Variants in STIM2 observed in about 807,000 individuals in gnomAD.
STIM2 encodes stromal interaction molecule 2.
In STIM2, 31 loss-of-function variants were observed where a neutral mutation model predicts 85.8. The ratio of observed to expected loss-of-function variants is 0.36; its 90% CI spans 0.27 to 0.49. The LOEUF (loss-of-function observed/expected upper bound fraction) is 0.49, where lower values mean the gene tolerates loss of function less well. Ranked by LOEUF, STIM2 falls within the 20% of genes least tolerant of loss-of-function variation. The probability of loss-of-function intolerance (pLI) is 0.98; values close to 1 mark genes in which losing one functional copy is unlikely to be tolerated. For synonymous variants in STIM2, 356 were observed against 331.1 expected (o/e 1.08, Z -0.82); for missense variants, 841 against 927.6 (o/e 0.91, Z 1.21).
chr4:26,875,649 C>T (rs6830323), intron 1 of STIM2, among the ~76,000 whole-genome samples: 131,681 of 152,136 alleles, frequency 0.87, 57,517 homozygotes, highest in Middle Eastern at 0.98. Context: ...GATTTCTAGA[C>T]AAATGGGAGC....
At chr4:26,911,431 C>T (rs1724335209) in intron 1 of STIM2, among the ~76,000 whole-genome samples, 1 of 152,054 alleles carries the variant, frequency 6.6e-6, no homozygotes, top group African/African-American at 2.4e-5. Flanking sequence ...TACAGAGATT[C>T]AGAGTTCTAA....
chr4:26,955,210 G>A lies in STIM2; in HGVS notation c.283-2402G>A, dbSNP rs1726202405. ...GGCATATATCCATAAGCTCATTCTG[G>A]CTTTTCTAAAATAGTTAAGTGGCTA... On this transcript the variant is annotated intron_variant, in intron 2 of 11. Transcript: ENST00000467087. 1.4e-5 allele frequency among the ~76,000 whole-genome samples: 2 copies of A among 147,028 alleles called. 1 individual carries two copies. The highest frequency in any genetic ancestry group is 1.3e-4 in the Admixed American group (2 of 15,000).
At chr4:26,959,426 A>AT (rs932793013) in intron 3 of STIM2, among the ~76,000 whole-genome samples, 52 of 149,288 alleles carry the variant, frequency 3.5e-4, no homozygotes, top group African/African-American at 8.1e-4. Flanking sequence ...CCTTTTACTC[A>AT]TTTTTTTTTC....
At chr4:26,922,309 T>C (rs1321966454) in intron 2 of STIM2, among the ~76,000 whole-genome samples, 1 of 152,156 alleles carries the variant, frequency 6.6e-6, no homozygotes, top group African/African-American at 2.4e-5. Flanking sequence ...AAATTATTAT[T>C]GTACATTTTC....
chr4:26,861,313 C>T lies in STIM2; in HGVS notation c.95C>T (p.Ala32Val), dbSNP rs746247493. The T allele has an allele frequency of 5.6e-6, 8 of 1,420,720 alleles. No homozygotes were observed. In the East Asian group the frequency reaches 2.2e-4, roughly 38 times the overall value. The allele number at this position is 1,420,720 out of a possible 1,614,324, so 88.0% of individuals were successfully genotyped here. A position where few individuals can be genotyped will look rare whatever the true frequency, so the allele number is the denominator to read the frequency against. Residue 32 changes from alanine to valine, a missense_variant, in exon 1 of 12, where the codon GCA becomes GTA. By Grantham distance (64) the Ala-to-Val change is moderately conservative (BLOSUM62 0). Around this residue, in one of 3 missense-constraint regions of STIM2, gnomAD observed 140 missense variants for 117.7 expected, o/e 1.19. Transcript: ENST00000467087. ...GGGCGGCGGGCGACTGGCTCTGCCG[C>T]AACTGCCGCCTCCTCTCCCGCCGCG... is the stretch of plus-strand genomic sequence containing the variant.
chr4:26,964,218 A>G (rs915671839), intron 3 of STIM2, among the ~76,000 whole-genome samples: 1 of 152,200 alleles, frequency 6.6e-6, no homozygotes, highest in African/African-American at 2.4e-5. Flanking sequence ...CTCATATTCC[A>G]GTGCTTACCA....
At chr4:26,929,759 G>A (rs1259389021) in intron 2 of STIM2, among the ~76,000 whole-genome samples, 1 of 151,948 alleles carries the variant, frequency 6.6e-6, no homozygotes, top group Non-Finnish European at 1.5e-5. Flanking sequence ...ATAGTTGCTT[G>A]GAATAGATTA....
intron 2 of STIM2, among the ~76,000 whole-genome samples, chr4:26,933,525 A>G (rs1725276964): frequency 6.6e-6 from 1 of 152,180 alleles, no homozygotes; most frequent in African/African-American, 2.4e-5. Context: ...CTATAGGTCA[A>G]AAGTGGCTCT....
intron 10 of STIM2, among the ~76,000 whole-genome samples, chr4:27,015,285 C>G: frequency 6.6e-6 from 1 of 151,964 alleles, no homozygotes; most frequent in East Asian, 1.9e-4. Flanking sequence ...CCACTGCTCT[C>G]GCATCTTAAA....
At chr4:26,890,447 T>C (rs1275109729) in intron 1 of STIM2, among the ~76,000 whole-genome samples, 3 of 152,136 alleles carry the variant, frequency 2.0e-5, no homozygotes, top group African/African-American at 7.2e-5. Flanking sequence ...CAGTTCATAA[T>C]GGGCAGCTCA....
At chr4:26,985,219 C>T (rs1041228584) in intron 3 of STIM2, among the ~76,000 whole-genome samples, 3 of 152,010 alleles carry the variant, frequency 2.0e-5, no homozygotes, top group Non-Finnish European at 1.5e-5. Flanking sequence ...GTGAAAGGCC[C>T]GAAACTTACT....
intron 1 of STIM2, among the ~76,000 whole-genome samples, chr4:26,910,397 G>C (rs998610623): frequency 6.6e-6 from 1 of 152,046 alleles, no homozygotes; most frequent in African/African-American, 2.4e-5. Context: ...GTTGGCGAGC[G>C]CCTGTAATTC....
chr4:26,980,821 C>G (rs1437805580), intron 3 of STIM2, among the ~76,000 whole-genome samples: 4 of 152,024 alleles, frequency 2.6e-5, no homozygotes, highest in Non-Finnish European at 5.9e-5. Flanking sequence ...TTTTATAGTG[C>G]TTTATTAATT....
chr4:26,985,491 A>C (rs1191925331), intron 3 of STIM2, among the ~76,000 whole-genome samples: 1 of 152,144 alleles, frequency 6.6e-6, no homozygotes, highest in African/African-American at 2.4e-5. Flanking sequence ...TAACACAAAT[A>C]TTTTTCAAAC....
chr4:26,965,259 G>A (rs1726668362), intron 3 of STIM2, among the ~76,000 whole-genome samples: 1 of 152,046 alleles, frequency 6.6e-6, no homozygotes, highest in Non-Finnish European at 1.5e-5. Flanking sequence ...AATAGTCCGG[G>A]TTTCTTCTGT....
intron 1 of STIM2, among the ~76,000 whole-genome samples, chr4:26,897,342 C>T (rs1007414325): frequency 4.9e-4 from 75 of 152,242 alleles, no homozygotes; most frequent in African/African-American, 1.7e-3. Flanking sequence ...GGTGCTATCT[C>T]CTTGGGGTCA....
intron 5 of STIM2, among the ~76,000 whole-genome samples, chr4:27,000,529 A>C (rs1460735316): frequency 6.6e-6 from 1 of 152,160 alleles, no homozygotes; most frequent in Non-Finnish European, 1.5e-5. Flanking sequence ...AAAGTATAGA[A>C]TTTGTTTCTA....
At chr4:26,946,834 C>T (rs79264546) in intron 2 of STIM2, among the ~76,000 whole-genome samples, 2,558 of 152,190 alleles carry the variant, frequency 0.017, 77 homozygotes, top group African/African-American at 0.059. Flanking sequence ...TGTGTTATTT[C>T]CCTGTGTCAA....
intron 3 of STIM2, among the ~76,000 whole-genome samples, chr4:26,969,770 G>A (rs1039483381): frequency 6.6e-6 from 1 of 152,142 alleles, no homozygotes; most frequent in Non-Finnish European, 1.5e-5. Flanking sequence ...ACTGTGTCTG[G>A]ATTCTGTGAG....
Sources: gnomAD v4.1 joint callset for allele counts (sites outside exome capture counted in the v4.1 genomes callset) on GRCh38, gnomAD v4.1.1 for gene constraint, gnomAD v4.1.1 regional missense constraint, MANE v1.5 for transcripts, NCBI Gene and HGNC (gene_info 2026-07-23, HGNC 2026-07-21) for gene names.